The following DAB1 variants were observed in gnomAD, a reference collection of about 807,000 sequenced individuals.
The protein encoded by DAB1 is DAB adaptor protein 1.
DAB1 carries 15 observed loss-of-function variants against 64.6 expected under a neutral mutation model. The ratio of observed to expected loss-of-function variants is 0.23; its 90% CI spans 0.16 to 0.36. The LOEUF (loss-of-function observed/expected upper bound fraction) is 0.36. Ranked by LOEUF, DAB1 falls within the 10% of genes least tolerant of loss-of-function variation. The pLI, the probability that DAB1 is intolerant of heterozygous loss-of-function variation, is 1.00. For synonymous variants in DAB1, 235 were observed against 251.9 expected, an observed-to-expected ratio of 0.93 and a Z score of 0.64; for missense variants, 596 against 706.7, an observed-to-expected ratio of 0.84 and a Z score of 1.78.
At chr1:57,021,430 A>G (rs750221563) in intron 11 of DAB1, among the ~76,000 whole-genome samples, 9 of 152,206 alleles carry the variant, frequency 5.9e-5, no homozygotes. Context: ...GTGGAGATAA[A>G]TGAATCATGG....
At chr1:58,473,414 C>T (rs552479448) in intron 3 of DAB1, among the ~76,000 whole-genome samples, 1,655 of 151,874 alleles carry the variant, frequency 0.011, 31 homozygotes, top group African/African-American at 0.038. Context: ...CGGTGGCGGG[C>T]GCCTGTAGTC....
At chr1:57,432,159 A>G (rs1685542591) in intron 7 of DAB1, among the ~76,000 whole-genome samples, 1 of 152,046 alleles carries the variant, frequency 6.6e-6, no homozygotes, top group African/African-American at 2.4e-5. Context: ...CTTACAGAGT[A>G]TCGAAAAAGA....
intron 4 of DAB1, among the ~76,000 whole-genome samples, chr1:58,188,116 C>T (rs1421610257): frequency 1.3e-5 from 2 of 151,834 alleles, no homozygotes; most frequent in African/African-American, 2.4e-5. Flanking sequence ...ACCATGTTGG[C>T]CAGACTGGTC....
At chr1:58,473,832 C>T (rs1289221377) in intron 3 of DAB1, 2 of 590,974 alleles carry the variant, frequency 3.4e-6, no homozygotes, top group South Asian at 1.5e-5. Context: ...GCACACTTCC[C>T]AAGACTGGTG....
intron 7 of DAB1, among the ~76,000 whole-genome samples, chr1:57,446,303 T>G (rs1392928283): frequency 6.6e-6 from 1 of 152,108 alleles, no homozygotes; most frequent in East Asian, 1.9e-4. Context: ...TTGTTACATA[T>G]GACTAAATTT....
At chr1:57,365,199 T>A (rs1030181466) in intron 1 of DAB1, among the ~76,000 whole-genome samples, 3 of 138,940 alleles carry the variant, frequency 2.2e-5, no homozygotes, top group African/African-American at 8.2e-5. Context: ...AGAATATATA[T>A]AAATATATAA....
chr1:58,080,661 A>T (rs772917106), intron 5 of DAB1, among the ~76,000 whole-genome samples: 2 of 152,222 alleles, frequency 1.3e-5, no homozygotes, highest in Non-Finnish European at 2.9e-5. Flanking sequence ...CTGTCGTAGA[A>T]TTTTAGCAGA....
chr1:58,356,145 A>C (rs990208475), intron 3 of DAB1, among the ~76,000 whole-genome samples: 1 of 152,214 alleles, frequency 6.6e-6, no homozygotes, highest in Non-Finnish European at 1.5e-5. Context: ...AGAGTCCTCA[A>C]ACTAGCGTCT....
At chr1:58,106,843 A>ATCCC (rs879680083) in intron 5 of DAB1, among the ~76,000 whole-genome samples, 7,628 of 109,860 alleles carry the variant, frequency 0.069, 321 homozygotes, top group African/African-American at 0.12. Flanking sequence ...TCCCTCCTTC[A>ATCCC]TCCCTCCCTC....
intron 1 of DAB1, chr1:57,880,967 A>G (rs1342553338): frequency 1.3e-5 from 2 of 152,204 alleles, no homozygotes; most frequent in African/African-American, 4.8e-5. Flanking sequence ...ATATTAGTAG[A>G]AAGATGGTGT....
intron 1 of DAB1, among the ~76,000 whole-genome samples, chr1:57,411,544 C>G (rs946156224): frequency 1.3e-5 from 2 of 152,230 alleles, no homozygotes; most frequent in Non-Finnish European, 2.9e-5. Flanking sequence ...TATTCACACT[C>G]CACAGGGTGT....
chr1:57,204,514 A>G (rs1665384136), intron 2 of DAB1, among the ~76,000 whole-genome samples: 1 of 151,836 alleles, frequency 6.6e-6, no homozygotes, highest in Non-Finnish European at 1.5e-5. Flanking sequence ...CAGCTGGTCT[A>G]TCAGATTAGC....
intron 7 of DAB1, among the ~76,000 whole-genome samples, chr1:57,514,848 C>G (rs1210258845): frequency 6.6e-6 from 1 of 152,132 alleles, no homozygotes; most frequent in Non-Finnish European, 1.5e-5. Context: ...CCTCATTTAT[C>G]AAATAGGTTT....
At chr1:57,782,955 A>T (rs1650166997) in intron 6 of DAB1, among the ~76,000 whole-genome samples, 1 of 151,552 alleles carries the variant, frequency 6.6e-6, no homozygotes, top group Non-Finnish European at 1.5e-5. Flanking sequence ...TGAATGGTTG[A>T]AAATAGTCCA....
intron 3 of DAB1, among the ~76,000 whole-genome samples, chr1:58,410,015 C>T (rs1401292862): frequency 6.6e-6 from 1 of 152,190 alleles, no homozygotes; most frequent in African/African-American, 2.4e-5. Flanking sequence ...TCCATCCCCA[C>T]CACCCTCCCA....
chr1:58,005,807 C>T (rs1355525212), intron 5 of DAB1, among the ~76,000 whole-genome samples: 1 of 152,044 alleles, frequency 6.6e-6, no homozygotes, highest in African/African-American at 2.4e-5. Flanking sequence ...TGAGGCAAGG[C>T]TTTGTGCTAA....
chr1:58,145,375 C>T (rs1166254549), intron 5 of DAB1, among the ~76,000 whole-genome samples: 1 of 152,172 alleles, frequency 6.6e-6, no homozygotes, highest in African/African-American at 2.4e-5. Flanking sequence ...CATGACGCAT[C>T]TCTGTCTCGG....
chr1:57,603,629 GTTGTGC>G (rs1645601663), intron 7 of DAB1, among the ~76,000 whole-genome samples: 1 of 152,212 alleles, frequency 6.6e-6, no homozygotes, highest in African/African-American at 2.4e-5. Context: ...CAAATTTATA[GTTGTGC>G]CTTTTACCCC....
intron 5 of DAB1, among the ~76,000 whole-genome samples, chr1:58,046,430 ACTT>A (rs1189530970): frequency 6.6e-6 from 1 of 151,940 alleles, no homozygotes; most frequent in Non-Finnish European, 1.5e-5. Context: ...ATAAAGAAGA[ACTT>A]CTTTTTTTGT....
Sources: gnomAD v4.1 joint callset for allele counts (sites outside exome capture counted in the v4.1 genomes callset) on GRCh38, gnomAD v4.1.1 for gene constraint, MANE v1.5 for transcripts, NCBI Gene and HGNC (gene_info 2026-07-23, HGNC 2026-07-21) for gene names.